The following BTBD9 variants were observed in gnomAD, a reference collection of about 807,000 sequenced individuals.
BTBD9 encodes BTB domain containing 9, also known as BTB/POZ domain-containing protein 9.
A neutral mutation model predicts 64.3 loss-of-function variants in BTBD9; 49 were observed. That is an observed-to-expected ratio of 0.76 (90% CI 0.61 to 0.97). The LOEUF is 0.97. Ranked by LOEUF, BTBD9 falls within the 50% of genes least tolerant of loss-of-function variation. BTBD9 has a pLI of 0.00. For synonymous variants in BTBD9, 260 were observed against 274.7 expected (o/e 0.95, Z 0.53); for missense variants, 598 against 762.1 (o/e 0.78, Z 2.53).
chr6:38,511,335 A>G (rs558166217), intron 6 of BTBD9, among the ~76,000 whole-genome samples: 3 of 143,794 alleles, frequency 2.1e-5, no homozygotes, highest in African/African-American at 7.4e-5. Flanking sequence ...GTATTTTGGA[A>G]ATGCCTTTTT....
At chr6:38,634,205 G>T (rs1218037642) in intron 1 of BTBD9, among the ~76,000 whole-genome samples, 1 of 152,152 alleles carries the variant, frequency 6.6e-6, no homozygotes, top group Non-Finnish European at 1.5e-5. Flanking sequence ...TTATAATTTT[G>T]CACAGCTACT....
At chr6:38,581,108 C>T (rs1259083670) in intron 4 of BTBD9, among the ~76,000 whole-genome samples, 5 of 152,206 alleles carry the variant, frequency 3.3e-5, no homozygotes, top group African/African-American at 1.2e-4. Context: ...AGGAGAATCA[C>T]TTGAACCTGG....
At chr6:38,625,202 A>G (rs148199551) in intron 1 of BTBD9, among the ~76,000 whole-genome samples, 131 of 152,318 alleles carry the variant, frequency 8.6e-4, no homozygotes, top group African/African-American at 3.1e-3. Context: ...TACATGCTAT[A>G]AAATATTTCA....
intron 6 of BTBD9, among the ~76,000 whole-genome samples, chr6:38,504,983 T>C (rs1772397218): frequency 1.3e-5 from 2 of 152,248 alleles, no homozygotes; most frequent in South Asian, 4.1e-4. Context: ...GCCAAATTCA[T>C]AGACACTTTT....
Position 38,169,755 on chromosome 6 carries a change from C to T in BTBD9, c.*5230G>A, listed in dbSNP as rs1269127414. ...TAGCTCCTGGCTGCAGGGCCTCCTCCACCCCCCCTCCCCCCCGCCCATTCA... is the reference window on the plus strand; with the variant it reads ...TAGCTCCTGGCTGCAGGGCCTCCTCTACCCCCCCTCCCCCCCGCCCATTCA... On this transcript the variant is annotated 3_prime_UTR_variant, in exon 11 of 11. Transcript: ENST00000481247. 1.4e-5 allele frequency: 2 copies of T among 146,548 alleles called. No individual in the cohort carries two copies. The highest frequency in any genetic ancestry group is 5.0e-5 in the African/African-American group (2 of 40,074). 9.1% of individuals were successfully genotyped at this position (146,548 alleles called of 1,614,324 possible).
intron 6 of BTBD9, among the ~76,000 whole-genome samples, chr6:38,365,674 C>T (rs769547152): frequency 4.7e-4 from 71 of 151,096 alleles, no homozygotes; most frequent in Admixed American, 2.8e-3. Context: ...GGGAGGATTG[C>T]TTGAGTCCAG....
intron 6 of BTBD9, among the ~76,000 whole-genome samples, chr6:38,398,123 C>T (rs980136624): frequency 1.3e-5 from 2 of 152,094 alleles, no homozygotes; most frequent in Non-Finnish European, 2.9e-5. Flanking sequence ...TGACTTCGTT[C>T]GATTTTTACA....
intron 6 of BTBD9, among the ~76,000 whole-genome samples, chr6:38,534,772 T>C (rs2814882): frequency 0.36 from 54,230 of 151,930 alleles, 10,283 homozygotes; most frequent in African/African-American, 0.5. Context: ...ACAAAAACCA[T>C]ATGATCATCT....
intron 7 of BTBD9, among the ~76,000 whole-genome samples, chr6:38,341,091 A>G (rs919953401): frequency 6.6e-6 from 1 of 152,238 alleles, no homozygotes; most frequent in African/African-American, 2.4e-5. Flanking sequence ...AAAGATAGAC[A>G]GATAAATAGA....
intron 5 of BTBD9, 64 bp from the exon 6 acceptor site, chr6:38,577,783 TTTAA>T: frequency 1.4e-6 from 2 of 1,430,324 alleles, no homozygotes; most frequent in Non-Finnish European, 1.9e-6. Context: ...AAAGCTGTAC[TTTAA>T]TAAAGTGTTA....
At chr6:38,440,728 G>A (rs1258114058) in intron 6 of BTBD9, among the ~76,000 whole-genome samples, 3 of 152,108 alleles carry the variant, frequency 2.0e-5, no homozygotes, top group African/African-American at 7.2e-5. Flanking sequence ...ATATTTTAAT[G>A]TGTTGAATGT....
At chr6:38,320,411 C>A (rs1490813970) in intron 7 of BTBD9, among the ~76,000 whole-genome samples, 1 of 152,162 alleles carries the variant, frequency 6.6e-6, no homozygotes, top group Non-Finnish European at 1.5e-5. Flanking sequence ...TCGTATCTGC[C>A]TTTTAAGGAA....
chr6:38,631,956 C>G (rs1470292406), intron 1 of BTBD9, among the ~76,000 whole-genome samples: 1 of 152,170 alleles, frequency 6.6e-6, no homozygotes. Flanking sequence ...TGGAGAAACC[C>G]CGTCTCTACT....
intron 6 of BTBD9, among the ~76,000 whole-genome samples, chr6:38,509,390 A>C (rs886170486): frequency 6.6e-6 from 1 of 152,224 alleles, no homozygotes; most frequent in Non-Finnish European, 1.5e-5. Flanking sequence ...CAGCTAAGAT[A>C]TGTTAGTCCT....
At chr6:38,486,002 C>G (rs1422115435) in intron 6 of BTBD9, among the ~76,000 whole-genome samples, 3 of 152,222 alleles carry the variant, frequency 2.0e-5, no homozygotes, top group Non-Finnish European at 4.4e-5. Flanking sequence ...TCTACACAAG[C>G]AGCTGCTGCT....
At chr6:38,304,139 C>A (rs73422817) in intron 7 of BTBD9, among the ~76,000 whole-genome samples, 1 of 151,532 alleles carries the variant, frequency 6.6e-6, no homozygotes, top group East Asian at 1.9e-4. Flanking sequence ...CATATGGATA[C>A]GTGTATATCA....
intron 6 of BTBD9, among the ~76,000 whole-genome samples, chr6:38,479,223 C>A (rs558744927): frequency 3.9e-5 from 6 of 152,200 alleles, no homozygotes; most frequent in African/African-American, 1.4e-4. Flanking sequence ...ATGTGGAGCA[C>A]AGGGGTTCAG....
chr6:38,446,174 T>A lies in BTBD9; in HGVS notation c.1155-101081A>T, dbSNP rs1031032211. ...GACTTGCCACTTTCTAGCAGAAGTA[T>A]GTGGGCAGCTGAAGACACAGCACAT... is the stretch of plus-strand genomic sequence containing the variant. On this transcript the variant is annotated intron_variant, in intron 6 of 10. Coordinates refer to ENST00000481247, the MANE Select transcript of BTBD9 (RefSeq NM_001099272.2). 7.2e-5 allele frequency among the ~76,000 whole-genome samples: 11 copies of A among 152,142 alleles called. 1 individual carries two copies. Among genetic ancestry groups the A allele is most frequent in the Admixed American group, 6.5e-5 (1 of 15,272 alleles).
At chr6:38,412,715 C>T (rs187458044) in intron 6 of BTBD9, among the ~76,000 whole-genome samples, 5 of 152,102 alleles carry the variant, frequency 3.3e-5, no homozygotes, top group South Asian at 2.1e-4. Flanking sequence ...AAAAATTAGC[C>T]GGATGTGATG....
Sources: allele counts gnomAD v4.1 joint callset (sites outside exome capture counted in the v4.1 genomes callset), GRCh38; gene constraint gnomAD v4.1.1; transcripts MANE v1.5; gene names NCBI Gene and HGNC (gene_info 2026-07-23, HGNC 2026-07-21).